Variants in MAF observed in about 807,000 individuals in gnomAD.
MAF encodes MAF bZIP transcription factor, also known as transcription factor Maf.
MAF carries 10 observed loss-of-function variants against 22.0 expected under a neutral mutation model. The observed-to-expected ratio is 0.45, with a 90% confidence interval of 0.28 to 0.77. MAF has a LOEUF of 0.77. MAF is among the 30% of genes least tolerant of loss of function. The pLI, the probability that MAF is intolerant of heterozygous loss-of-function variation, is 0.12. For missense variants in MAF, 544 were observed against 548.4 expected, an observed-to-expected ratio of 0.99 and a Z score of 0.08; for synonymous variants, 337 against 255.8, an observed-to-expected ratio of 1.32 and a Z score of -3.03.
At chr16:79,555,938 A>G in the MAF span, among the ~76,000 whole-genome samples, 2,380 of 152,332 alleles carry the variant, frequency 0.016, 70 homozygotes, top group African/African-American at 0.053. Context: ...CTGCAAGGGC[A>G]TAAACAATAA....
At chr16:79,249,141 C>T in the MAF span, among the ~76,000 whole-genome samples, 17 of 151,988 alleles carry the variant, frequency 1.1e-4, no homozygotes, top group Admixed American at 6.6e-4. Context: ...AAGTTGAGGC[C>T]GGGTGCGGTG....
At chr16:79,516,116 G>C in the MAF span, 1 of 152,132 alleles carries the variant, frequency 6.6e-6, no homozygotes, top group Non-Finnish European at 1.5e-5. Flanking sequence ...AAGCCAGCAA[G>C]GCAGAGCCAC....
the MAF span, among the ~76,000 whole-genome samples, chr16:79,325,293 C>T: frequency 2.0e-5 from 3 of 152,172 alleles, no homozygotes; most frequent in South Asian, 2.1e-4. Flanking sequence ...CAACTCTGAG[C>T]GACAACCGTG....
chr16:79,273,748 G>A, the MAF span, among the ~76,000 whole-genome samples: 1 of 152,074 alleles, frequency 6.6e-6, no homozygotes, highest in Non-Finnish European at 1.5e-5. Flanking sequence ...ATAGTCCAGG[G>A]TATTGTCCTT....
At chr16:79,292,125 T>C in the MAF span, among the ~76,000 whole-genome samples, 107 of 152,140 alleles carry the variant, frequency 7.0e-4, no homozygotes, top group African/African-American at 2.3e-3. Context: ...TAGGGAATAT[T>C]GTGGGTTGAA....
the MAF span, among the ~76,000 whole-genome samples, chr16:79,391,107 G>A: frequency 6.6e-6 from 1 of 152,114 alleles, no homozygotes; most frequent in Non-Finnish European, 1.5e-5. Context: ...CATCATCATA[G>A]CACATTGCTC....
At chr16:79,384,137 A>C in the MAF span, among the ~76,000 whole-genome samples, 25 of 152,210 alleles carry the variant, frequency 1.6e-4, 1 homozygote, top group East Asian at 4.8e-3. Flanking sequence ...TATTCTATTT[A>C]AGCATTGTTT....
chr16:79,408,088 A>AC, the MAF span, among the ~76,000 whole-genome samples: 33 of 149,376 alleles, frequency 2.2e-4, 1 homozygote, highest in Non-Finnish European at 4.2e-4. Flanking sequence ...CAAAAAAAAA[A>AC]AAAAAAAAAA....
the MAF span, among the ~76,000 whole-genome samples, chr16:79,517,142 A>T: frequency 6.6e-6 from 1 of 151,966 alleles, no homozygotes; most frequent in Non-Finnish European, 1.5e-5. Context: ...TATACTGTAG[A>T]TTCTATCACC....
At chr16:79,258,590 C>T in the MAF span, among the ~76,000 whole-genome samples, 1 of 152,206 alleles carries the variant, frequency 6.6e-6, no homozygotes, top group African/African-American at 2.4e-5. Context: ...GCACTCAAGC[C>T]ATTTATCCCA....
chr16:79,247,387 T>A, the MAF span, among the ~76,000 whole-genome samples: 3 of 152,246 alleles, frequency 2.0e-5, no homozygotes, highest in African/African-American at 7.2e-5. Context: ...AAGTCATACG[T>A]AACTTCTCCT....
At chr16:79,230,346 T>C in the MAF span, among the ~76,000 whole-genome samples, 6 of 152,096 alleles carry the variant, frequency 3.9e-5, no homozygotes, top group Admixed American at 3.3e-4. Context: ...GTGTGACCAA[T>C]AGAGGGAACT....
the MAF span, among the ~76,000 whole-genome samples, chr16:79,371,793 C>A: frequency 6.6e-6 from 1 of 152,206 alleles, no homozygotes; most frequent in Non-Finnish European, 1.5e-5. Flanking sequence ...TCTAAAAGGC[C>A]AACAGCTTCG....
At chr16:79,264,580 G>T in the MAF span, 1 of 152,210 alleles carries the variant, frequency 6.6e-6, no homozygotes, top group African/African-American at 2.4e-5. Flanking sequence ...GACCCCAACA[G>T]TTGAGCTCTA....
chr16:79,413,210 GT>G, the MAF span, among the ~76,000 whole-genome samples: 3 of 63,618 alleles, frequency 4.7e-5, no homozygotes, highest in Non-Finnish European at 6.0e-5. Context: ...GAGCTGTGCA[GT>G]TTTTTTTTTT....
the MAF span, among the ~76,000 whole-genome samples, chr16:79,237,190 A>G: frequency 4.6e-5 from 7 of 152,186 alleles, no homozygotes; most frequent in African/African-American, 1.2e-4. Context: ...TCATAATCCT[A>G]TGTGTAATGT....
chr16:79,596,056 G>A (rs1913503794), intron 1 of MAF: 7 of 1,061,504 alleles, frequency 6.6e-6, no homozygotes, highest in Admixed American at 5.4e-5. Flanking sequence ...AAAGGCAAGC[G>A]CTGTTTCTCT....
chr16:79,306,315 G>C, the MAF span, among the ~76,000 whole-genome samples: 1 of 152,186 alleles, frequency 6.6e-6, no homozygotes, highest in Admixed American at 6.5e-5. Flanking sequence ...AATGGAGACA[G>C]CAACAGTACC....
the MAF span, among the ~76,000 whole-genome samples, chr16:79,250,776 C>T: frequency 6.6e-6 from 1 of 152,178 alleles, no homozygotes; most frequent in Non-Finnish European, 1.5e-5. Flanking sequence ...ATTCCATGAG[C>T]TTCGGTTTCC....
Sources: allele counts gnomAD v4.1 joint callset (sites outside exome capture counted in the v4.1 genomes callset), GRCh38; gene constraint gnomAD v4.1.1; transcripts MANE v1.5; gene names NCBI Gene and HGNC (gene_info 2026-07-23, HGNC 2026-07-21).